The following DIXDC1 variants were observed in gnomAD, a reference collection of about 807,000 sequenced individuals.
DIXDC1 encodes the protein dixin.
In DIXDC1, 64 loss-of-function variants were observed where a neutral mutation model predicts 103.1. The observed-to-expected ratio is 0.62, with a 90% CI of 0.51 to 0.76. DIXDC1 has a LOEUF of 0.76. Ranked by LOEUF, DIXDC1 falls within the 30% of genes least tolerant of loss-of-function variation. The pLI is 0.00. For missense variants in DIXDC1, 759 were observed against 834.2 expected, an observed-to-expected ratio of 0.91 and a Z score of 1.11; for synonymous variants, 266 against 298.5, an observed-to-expected ratio of 0.89 and a Z score of 1.12.
chr11:111,977,427 G>A lies in DIXDC1; in HGVS notation c.656+2444G>A, dbSNP rs1339189477. On this transcript the variant is annotated intron_variant, in intron 5 of 19. Transcript: ENST00000440460. This position sits in a 1 kb window ranked among gnomAD's most constrained non-coding sequence, Gnocchi z 6.1. ...GATGCCCCCGCCAGGGGGGATGCCC[G>A]GCACCGTGCGTCCGCGGAGGCCAAG... 7 of 1,201,304 alleles carry A rather than the reference G, an allele frequency of 5.8e-6. No individual in the cohort carries two copies. The South Asian group carries it at 1.4e-4, about 24-fold the overall frequency. 74.4% of individuals were successfully genotyped at this position (1,201,304 alleles called of 1,614,324 possible). A position where few individuals can be genotyped will look rare whatever the true frequency, so the allele number is the denominator to read the frequency against.
At chr11:111,989,811 C>T (rs7105375) in intron 10 of DIXDC1, among the ~76,000 whole-genome samples, 15 of 146,002 alleles carry the variant, frequency 1.0e-4, no homozygotes, top group Non-Finnish European at 1.5e-4. Context: ...TTTTTTGAAA[C>T]GGAGTCTCGC....
rs953097127 is a variant in DIXDC1 at position 112,021,068 on chromosome 11, T to C, written c.*2032T>C. ...ACAGTTTGTCTTGAATGTCTGTCTCTTAAACCAGTTTTTACTTGTCAGTTT... is the reference window on the plus strand; with the variant it reads ...ACAGTTTGTCTTGAATGTCTGTCTCCTAAACCAGTTTTTACTTGTCAGTTT... On this transcript the variant is annotated 3_prime_UTR_variant, in exon 20 of 20. Coordinates refer to ENST00000440460, the MANE Select transcript of DIXDC1 (RefSeq NM_001037954.4). 6.6e-6 allele frequency: 1 copy of C among 152,232 alleles called. No individual in the cohort carries two copies. The highest frequency in any genetic ancestry group is 1.5e-5 in the Non-Finnish European group (1 of 68,040). 9.4% of individuals were successfully genotyped at this position (152,232 alleles called of 1,614,324 possible).
chr11:111,969,800 C>G (rs1859854570), intron 3 of DIXDC1, among the ~76,000 whole-genome samples: 1 of 152,134 alleles, frequency 6.6e-6, no homozygotes. Flanking sequence ...ATTGAGAGCA[C>G]CTTGTGGAAG....
At chr11:111,936,602 T>C (rs1478653314), upstream of DIXDC1, among the ~76,000 whole-genome samples, 2 of 152,254 alleles carry the variant, frequency 1.3e-5, no homozygotes, top group East Asian at 1.9e-4. Flanking sequence ...AGCACTGTTC[T>C]ATTGAATGTG....
At position 112,018,966 on chromosome 11, in the gene DIXDC1, A is replaced by C; in HGVS notation, c.1982A>C (p.Asp661Ala). ...TGTTTTTTTCTCTAGATTTTCCATG[A>C]TGATGATGCCATCCCTGGATGGGAA... ...FGTVKEEIFHDDDAIPGWEGK... is the reference protein window; with the variant it reads ...FGTVKEEIFHADDAIPGWEGK... Residue 661 changes from aspartate (D) to alanine (A), a missense_variant, in exon 20 of 20, where the codon GAT (aspartate) becomes GCT (alanine). Asp to Ala is a moderately radical substitution (Grantham distance 126). Coordinates refer to ENST00000440460, the MANE Select transcript of DIXDC1 (RefSeq NM_001037954.4). 2 of 1,613,356 alleles carry C rather than the reference A, an allele frequency of 1.2e-6. No homozygotes were observed. The highest frequency in any genetic ancestry group is 1.7e-6 in the Non-Finnish European group (2 of 1,179,556).
In DIXDC1 at chr11:111,977,938, A is replaced by G. The variant is rs1225284467; in HGVS notation, c.657-2799A>G. On this transcript the variant is annotated intron_variant, in intron 5 of 19. Coordinates refer to ENST00000440460, the MANE Select transcript of DIXDC1 (RefSeq NM_001037954.4). This position sits in a 1 kb window ranked among gnomAD's most constrained non-coding sequence, Gnocchi z 6.1. ...CGGCTGCTGACCAGGGGTTATCACT[A>G]TAAAATACGGTGGGCGTAGGAAGTG... The G allele has an allele frequency of 1.4e-5, 17 of 1,231,302 alleles. No homozygotes were observed. The Admixed American group carries it at 3.3e-4, about 24-fold the overall frequency. The allele number at this position is 1,231,302 out of a possible 1,614,324, so 76.3% of individuals were successfully genotyped here. A position where few individuals can be genotyped will look rare whatever the true frequency, so the allele number is the denominator to read the frequency against.
intron 3 of DIXDC1, among the ~76,000 whole-genome samples, chr11:111,973,123 C>G (rs1859989512): frequency 6.6e-6 from 1 of 151,634 alleles, no homozygotes; most frequent in African/African-American, 2.4e-5. Flanking sequence ...GTAATCCCAG[C>G]ACTTTGGGAG....
rs1239750858 is a variant in DIXDC1 at position 111,998,152 on chromosome 11, A to AC, written c.1756+2006_1756+2007insC. 1.3e-5 allele frequency among the ~76,000 whole-genome samples: 2 copies of AC among 152,218 alleles called. No homozygotes were observed. Among genetic ancestry groups the AC allele is most frequent in the Non-Finnish European group, 2.9e-5 (2 of 68,034 alleles). On this transcript the variant is annotated intron_variant, in intron 17 of 19. Transcript: ENST00000440460. The surrounding 1 kb of genome is among the most constrained non-coding windows in gnomAD (Gnocchi z 4.1). ...TCAAAAGCATTTACTATTCTCTAAAAGTCTCCTGGAAACTTTCTTCTTCTT... is the reference window on the plus strand; with the variant it reads ...TCAAAAGCATTTACTATTCTCTAAAACGTCTCCTGGAAACTTTCTTCTTCTT...
chr11:111,960,255 TA>T (rs1859526825), intron 1 of DIXDC1, among the ~76,000 whole-genome samples: 1 of 151,656 alleles, frequency 6.6e-6, no homozygotes, highest in South Asian at 2.1e-4. Flanking sequence ...TCATTACGTC[TA>T]GGGAGCATCA....
Position 111,958,276 on chromosome 11 carries a change from G to T in DIXDC1, c.61-6273G>T, listed in dbSNP as rs1859454746. ...TCTTGGGGGCCAGGAGCAGGCAGGA[G>T]CCCCAACCCCTCAGGTATAGCTGCA... On this transcript the variant is annotated intron_variant, in intron 1 of 19. Coordinates refer to ENST00000440460, the MANE Select transcript of DIXDC1 (RefSeq NM_001037954.4). This position sits in a 1 kb window ranked among gnomAD's most constrained non-coding sequence, Gnocchi z 4.2. Among the ~76,000 whole-genome samples the T allele has an allele frequency of 6.6e-6, 1 of 152,158 alleles. No homozygotes were observed. The highest frequency in any genetic ancestry group is 6.5e-5 in the Admixed American group (1 of 15,286).
rs587734632 is a variant in DIXDC1, at chr11:112,007,909, A to C, written c.1757-8782A>C. 5.3e-5 allele frequency among the ~76,000 whole-genome samples: 8 copies of C among 152,328 alleles called. No individual in the cohort carries two copies. In the South Asian group the frequency reaches 1.7e-3, roughly 32 times the overall value. On this transcript the variant is annotated intron_variant, in intron 17 of 19. Transcript: ENST00000440460. Reference sequence around the variant, plus strand: ...ATGAAACTTGCATCAATTAATGGGCAAAATAAGCAGCTAACATCATAATGA... The same window carrying C: ...ATGAAACTTGCATCAATTAATGGGCCAAATAAGCAGCTAACATCATAATGA...
chr11:111,990,966 A>G (rs1860693976), intron 10 of DIXDC1, among the ~76,000 whole-genome samples: 1 of 152,124 alleles, frequency 6.6e-6, no homozygotes, highest in Non-Finnish European at 1.5e-5. Flanking sequence ...TGGCCTCCAA[A>G]AGTGCTGGGA....
chr11:112,019,069 T>C lies in DIXDC1; in HGVS notation c.*33T>C. On this transcript the variant is annotated 3_prime_UTR_variant, in exon 20 of 20. Coordinates refer to ENST00000440460, the MANE Select transcript of DIXDC1 (RefSeq NM_001037954.4). ...TATCAGATTGAGGGCTTATGGAACC[T>C]GGTCACTCCCTGGCTGCTTCACTCA... 1.3e-6 allele frequency: 2 copies of C among 1,581,120 alleles called. No homozygotes were observed. The highest frequency in any genetic ancestry group is 1.7e-6 in the Non-Finnish European group (2 of 1,151,856).
At chr11:111,939,470 T>C (rs971083092) in intron 1 of DIXDC1, among the ~76,000 whole-genome samples, 1 of 152,210 alleles carries the variant, frequency 6.6e-6, no homozygotes, top group African/African-American at 2.4e-5. Flanking sequence ...GTGCCTCTTT[T>C]CCTTCTCTGA....
chr11:111,967,563 C>A lies in DIXDC1; in HGVS notation c.191-950C>A, dbSNP rs61433892. On this transcript the variant is annotated intron_variant, in intron 2 of 19. Transcript: ENST00000440460. ...AGACTGATCTCCCTGTTTCCTCTCT[C>A]CATAGTCTATTTCCACGCAGAGTCC... Among the ~76,000 whole-genome samples the A allele has an allele frequency of 5.7e-3, 871 of 152,300 alleles. 8 individuals are homozygous for A. The highest frequency in any genetic ancestry group is 0.02 in the African/African-American group (837 of 41,556).
intron 1 of DIXDC1, among the ~76,000 whole-genome samples, chr11:111,959,276 C>T (rs1555170854): frequency 6.6e-6 from 1 of 152,202 alleles, no homozygotes; most frequent in Non-Finnish European, 1.5e-5. Flanking sequence ...GGAGCCCAGA[C>T]CTAGGAGCTC....
At chr11:111,959,460 C>T (rs1208302149) in intron 1 of DIXDC1, among the ~76,000 whole-genome samples, 1 of 152,228 alleles carries the variant, frequency 6.6e-6, no homozygotes, top group African/African-American at 2.4e-5. Flanking sequence ...AGCTGCCCAC[C>T]CCACCACAGT....
At chr11:111,983,464 T>C (rs1266167672) in intron 7 of DIXDC1, among the ~76,000 whole-genome samples, 1 of 152,228 alleles carries the variant, frequency 6.6e-6, no homozygotes, top group East Asian at 1.9e-4. Context: ...TTGGTTTTCC[T>C]TCATTTGCTC....
intron 1 of DIXDC1, among the ~76,000 whole-genome samples, chr11:111,956,120 A>T (rs1555170540): frequency 6.6e-6 from 1 of 152,164 alleles, no homozygotes; most frequent in African/African-American, 2.4e-5. Context: ...AAATAAGCCA[A>T]TCACCATAAG....
Sources: gnomAD v4.1 joint callset for allele counts (sites outside exome capture counted in the v4.1 genomes callset) on GRCh38, gnomAD v4.1.1 for gene constraint, Gnocchi (gnomAD v3.1) non-coding constraint, MANE v1.5 for transcripts, NCBI Gene and HGNC (gene_info 2026-07-23, HGNC 2026-07-21) for gene names.